TMEM233: variants seen among roughly 807,000 people sequenced by gnomAD.
The protein encoded by TMEM233 is dispanin subfamily B member 2.
In TMEM233, 6 loss-of-function variants were observed where a neutral mutation model predicts 11.2. The observed-to-expected ratio is 0.54, with a 90% CI of 0.29 to 1.06. The LOEUF is 1.06. Among genes scored for constraint, TMEM233 ranks in the 50% least tolerant of loss-of-function variants. TMEM233 has a pLI of 0.08. For synonymous variants in TMEM233, 59 were observed against 55.8 expected, an observed-to-expected ratio of 1.06 and a Z score of -0.26; for missense variants, 127 against 144.7, an observed-to-expected ratio of 0.88 and a Z score of 0.63.
rs567515617 is a variant in TMEM233 at position 119,622,730 on chromosome 12, G to A, written c.187-7006G>A. Among the ~76,000 whole-genome samples the A allele has an allele frequency of 6.6e-5, 10 of 152,086 alleles. No homozygotes were observed. In the South Asian group the frequency reaches 1.0e-3, roughly 16 times the overall value. ...CTCAGAGCTGGAATCTCTCACTCTCGTCCCTCCCCTCATCTTCTTACTTTT... is the reference window on the plus strand; with the variant it reads ...CTCAGAGCTGGAATCTCTCACTCTCATCCCTCCCCTCATCTTCTTACTTTT... On this transcript the variant is annotated intron_variant, in intron 1 of 2. Coordinates refer to ENST00000426426, the MANE Select transcript of TMEM233 (RefSeq NM_001136534.3).
intron 1 of TMEM233, among the ~76,000 whole-genome samples, chr12:119,608,204 G>A (rs551936789): frequency 2.4e-4 from 36 of 152,176 alleles, no homozygotes; most frequent in African/African-American, 8.7e-4. Flanking sequence ...TCTAATATAA[G>A]CCCACTTTTT....
intron 1 of TMEM233, among the ~76,000 whole-genome samples, chr12:119,600,673 C>T (rs1157610820): frequency 1.3e-5 from 2 of 152,120 alleles, no homozygotes; most frequent in Non-Finnish European, 2.9e-5. Context: ...AGGCTAAATA[C>T]AAGAAGCCAG....
At chr12:119,637,397 G>A (rs1042350950) in intron 2 of TMEM233, among the ~76,000 whole-genome samples, 2 of 152,216 alleles carry the variant, frequency 1.3e-5, no homozygotes, top group South Asian at 4.1e-4. Flanking sequence ...AGCAGGCACA[G>A]AGTTAGAAGA....
chr12:119,637,916 T>C (rs954280724), intron 2 of TMEM233, among the ~76,000 whole-genome samples: 17 of 152,230 alleles, frequency 1.1e-4, no homozygotes, highest in Middle Eastern at 3.4e-3. Context: ...ATTGCAACAA[T>C]TAAAAAGATG....
rs1954032903 is a variant in TMEM233, at chr12:119,595,748, C to T, written c.186+1714C>T. Among the ~76,000 whole-genome samples the T allele has an allele frequency of 6.6e-6, 1 of 152,194 alleles. No individual in the cohort carries two copies. ...CACTTCATGAGGCCTTCTGTGATTA[C>T]TGTTTAAAATCAGGACCCCCATCCA... On this transcript the variant is annotated intron_variant, in intron 1 of 2. Transcript: ENST00000426426. This position sits in a 1 kb window ranked among gnomAD's most constrained non-coding sequence, Gnocchi z 4.3.
rs60318959 is a variant in TMEM233, at chr12:119,615,173, T to TAAAA, written c.187-14533_187-14530dup. 1.8e-3 allele frequency among the ~76,000 whole-genome samples: 102 copies of TAAAA among 56,196 alleles called. 1 individual carries two copies. Among genetic ancestry groups the TAAAA allele is most frequent in the Admixed American group, 0.017 (66 of 3,800 alleles). 36.9% of individuals were successfully genotyped at this position (56,196 alleles called of 152,430 possible). On this transcript the variant is annotated intron_variant, in intron 1 of 2. Coordinates refer to ENST00000426426, the MANE Select transcript of TMEM233 (RefSeq NM_001136534.3). ...AGGTCTCAGTCTACCCGCTTTCTGC[T>TAAAA]AAAAAAAAAAAAAAAAAAAAAAAAA...
intron 1 of TMEM233, among the ~76,000 whole-genome samples, chr12:119,610,538 C>A (rs941202631): frequency 2.6e-5 from 4 of 152,048 alleles, no homozygotes; most frequent in Non-Finnish European, 5.9e-5. Context: ...ATGGGAGGGA[C>A]CTGGTGGGAG....
At chr12:119,621,801 A>G (rs1241179471) in intron 1 of TMEM233, among the ~76,000 whole-genome samples, 1 of 152,258 alleles carries the variant, frequency 6.6e-6, no homozygotes, top group East Asian at 1.9e-4. Context: ...TTTAGAGAAG[A>G]AAAGATTTTA....
chr12:119,628,576 T>G (rs527697853), intron 1 of TMEM233, among the ~76,000 whole-genome samples: 11 of 137,024 alleles, frequency 8.0e-5, no homozygotes, highest in African/African-American at 3.0e-4. Context: ...CTTGGCTCAC[T>G]GCAAGCTCCG....
intron 1 of TMEM233, among the ~76,000 whole-genome samples, chr12:119,617,615 C>A (rs1421200995): frequency 6.6e-6 from 1 of 152,104 alleles, no homozygotes; most frequent in African/African-American, 2.4e-5. Context: ...GGGCAGATTA[C>A]CTGAGGTTAG....
At chr12:119,634,389 C>A in intron 2 of TMEM233, 1 of 469,874 alleles carries the variant, frequency 2.1e-6, no homozygotes, top group South Asian at 9.0e-5. Context: ...GGGAGGATCT[C>A]TTGAGGCCAG....
intron 2 of TMEM233, among the ~76,000 whole-genome samples, chr12:119,639,626 A>G (rs1955042222): frequency 6.6e-6 from 1 of 152,058 alleles, no homozygotes; most frequent in African/African-American, 2.4e-5. Context: ...CATCTCAAAA[A>G]AAAAAGAAAA....
chr12:119,646,944 G>A (rs7978682), downstream of TMEM233, among the ~76,000 whole-genome samples: 976 of 152,220 alleles, frequency 6.4e-3, 14 homozygotes, highest in African/African-American at 0.022. Flanking sequence ...ACATCCATTC[G>A]CTTAAAAAAC....
intron 1 of TMEM233, among the ~76,000 whole-genome samples, chr12:119,615,308 C>G (rs1156662030): frequency 6.6e-6 from 1 of 151,754 alleles, no homozygotes. Flanking sequence ...AAGTAAGCCT[C>G]ATGAGGGCAG....
chr12:119,622,595 T>A (rs550201402), intron 1 of TMEM233, among the ~76,000 whole-genome samples: 1 of 152,290 alleles, frequency 6.6e-6, no homozygotes, highest in African/African-American at 2.4e-5. Context: ...AGGAAAAGAA[T>A]TACAGTGACA....
At chr12:119,637,107 C>T (rs545098454) in intron 2 of TMEM233, among the ~76,000 whole-genome samples, 2 of 152,298 alleles carry the variant, frequency 1.3e-5, no homozygotes, top group African/African-American at 4.8e-5. Flanking sequence ...TTGAGCGGGG[C>T]GGCAGTCAGA....
chr12:119,626,296 ACT>A (rs1420607422), intron 1 of TMEM233, among the ~76,000 whole-genome samples: 1 of 151,742 alleles, frequency 6.6e-6, no homozygotes, highest in African/African-American at 2.4e-5. Context: ...ACATGGTGAA[ACT>A]CTCTCTGCTA....
intron 1 of TMEM233, among the ~76,000 whole-genome samples, chr12:119,599,120 A>G (rs375866314): frequency 4.6e-5 from 7 of 152,254 alleles, no homozygotes; most frequent in African/African-American, 1.7e-4. Flanking sequence ...AACACATACA[A>G]ATAAGCAAAG....
At chr12:119,649,875 A>AAAAT in the TMEM233 span, among the ~76,000 whole-genome samples, 5 of 148,334 alleles carry the variant, frequency 3.4e-5, no homozygotes, top group South Asian at 1.1e-3. Flanking sequence ...AAAAAAAAAA[A>AAAAT]GGGCCGGGCG....
Sources: allele counts gnomAD v4.1 joint callset (sites outside exome capture counted in the v4.1 genomes callset), GRCh38; gene constraint gnomAD v4.1.1; non-coding constraint Gnocchi (gnomAD v3.1); transcripts MANE v1.5; gene names NCBI Gene and HGNC (gene_info 2026-07-23, HGNC 2026-07-21).